Variants in CRHR2 observed in about 807,000 individuals in gnomAD.
CRHR2 encodes the protein corticotropin releasing hormone receptor 2, also known as corticotropin-releasing hormone receptor 2.
In CRHR2, 53 loss-of-function variants were observed where a neutral mutation model predicts 57.9. The ratio of observed to expected loss-of-function variants is 0.92; its 90% CI spans 0.73 to 1.15. The LOEUF (loss-of-function observed/expected upper bound fraction) is 1.15. CRHR2 is among the 50% of genes most tolerant of loss of function. The probability of loss-of-function intolerance (pLI) is 0.00; values close to 1 mark genes in which losing one functional copy is unlikely to be tolerated. For missense variants in CRHR2, 532 were observed against 542.6 expected (o/e 0.98, Z 0.19); for synonymous variants, 213 against 220.9 (o/e 0.96, Z 0.32).
intron 2 of CRHR2, among the ~76,000 whole-genome samples, chr7:30,677,602 A>G (rs957168047): frequency 1.3e-5 from 2 of 152,180 alleles, no homozygotes; most frequent in Non-Finnish European, 2.9e-5. Flanking sequence ...CTAGAGCTAA[A>G]ATGCCAGATC....
intron 11 of CRHR2, 50 bp downstream of exon 11, chr7:30,654,989 G>T: frequency 6.2e-7 from 1 of 1,600,578 alleles, no homozygotes; most frequent in East Asian, 2.3e-5. Context: ...CCTGGAGTGG[G>T]GTCTGAGGAC....
At chr7:30,680,356 G>T (rs1784661155) in intron 2 of CRHR2, among the ~76,000 whole-genome samples, 1 of 152,176 alleles carries the variant, frequency 6.6e-6, no homozygotes, top group Admixed American at 6.5e-5. Context: ...GGGAAGGGGG[G>T]GCCCCCAGGC....
In CRHR2 at chr7:30,662,721, T is replaced by TG; in HGVS notation, c.669dup (p.Lys224GlnfsTer27). Reference sequence around the variant, plus strand: ...CATCCGATGAAGAGGAAGAGGCACTTGCGCAGGCGCTCAGTGGAGTAGGTC... The same window carrying TG: ...CATCCGATGAAGAGGAAGAGGCACTTGGCGCAGGCGCTCAGTGGAGTAGGTC... On this transcript the variant is annotated frameshift_variant, in exon 6 of 12. Coordinates refer to ENST00000471646, the MANE Select transcript of CRHR2 (RefSeq NM_001883.5). LOFTEE classifies it high-confidence loss of function. 6.2e-7 allele frequency: 1 copy of TG among 1,614,144 alleles called. No individual in the cohort carries two copies. The highest frequency in any genetic ancestry group is 8.5e-7 in the Non-Finnish European group (1 of 1,179,988).
rs755602103 is a variant in CRHR2, at chr7:30,653,518, A to G, written c.1178T>C (p.Ile393Thr). The G allele has an allele frequency of 1.9e-6, 3 of 1,613,372 alleles. No homozygotes were observed. Among genetic ancestry groups the G allele is most frequent in the Non-Finnish European group, 2.5e-6 (3 of 1,179,882 alleles). The change falls in exon 12 of 12, where the codon ATC (isoleucine) becomes ACC (threonine). Residue 393 changes from isoleucine (I) to threonine (T), a missense_variant. Physicochemically the swap from Ile to Thr is moderately conservative, Grantham distance 89. Coordinates refer to ENST00000471646, the MANE Select transcript of CRHR2 (RefSeq NM_001883.5). This position sits in a 1 kb window ranked among gnomAD's most constrained non-coding sequence, Gnocchi z 5.0. The part of the protein sequence containing the change: ...LRVPMARAMS[I>T]PTSPTRISFH... ...GCTGATCCGTGTGGGTGATGTAGGG[A>G]TGGACATGGCCCGGGCCATGGGGAC...
At chr7:30,688,132 A>G (rs1312411877) in intron 2 of CRHR2, among the ~76,000 whole-genome samples, 2 of 152,200 alleles carry the variant, frequency 1.3e-5, no homozygotes, top group African/African-American at 4.8e-5. Flanking sequence ...CTTTAATCCA[A>G]TAGGACTGGT....
intron 1 of CRHR2, among the ~76,000 whole-genome samples, chr7:30,697,100 C>T (rs906452927): frequency 2.0e-5 from 3 of 152,186 alleles, no homozygotes; most frequent in Non-Finnish European, 2.9e-5. Flanking sequence ...CTCTGCAGAC[C>T]CTCAGTGTGT....
At chr7:30,689,157 G>T in intron 2 of CRHR2, 1 of 1,533,098 alleles carries the variant, frequency 6.5e-7, no homozygotes, top group South Asian at 1.2e-5. Context: ...ACATCTCCAG[G>T]GGCTGCTGCA....
chr7:30,678,436 G>A (rs1359382773), intron 2 of CRHR2, among the ~76,000 whole-genome samples: 1 of 152,182 alleles, frequency 6.6e-6, no homozygotes, highest in Non-Finnish European at 1.5e-5. Context: ...CACCCAAGGA[G>A]ACTCGTGTGC....
Position 30,665,672 on chromosome 7 carries a change from G to C in CRHR2, c.316-33C>G. ...GACAGACATGGGCAGGGCAGATGGA[G>C]GCATGGGCACGTGGGGGTGGGGCTG... On this transcript the variant is annotated intron_variant, in intron 3 of 11. Transcript: ENST00000471646. The surrounding 1 kb of genome is among the most constrained non-coding windows in gnomAD (Gnocchi z 4.5). The C allele has an allele frequency of 6.5e-7, 1 of 1,534,924 alleles. No individual in the cohort carries two copies. The highest frequency in any genetic ancestry group is 8.8e-7 in the Non-Finnish European group (1 of 1,131,992).
At chr7:30,666,622 T>C (rs991600513) in intron 3 of CRHR2, among the ~76,000 whole-genome samples, 3 of 152,230 alleles carry the variant, frequency 2.0e-5, no homozygotes, top group African/African-American at 7.2e-5. Flanking sequence ...TTGGACTTCA[T>C]CTGGGGCAAA....
Position 30,652,474 on chromosome 7 carries a change from G to T in CRHR2, c.*986C>A, listed in dbSNP as rs1263018257. ...GAGAGAGAACTGGCCCGAGGCCAGG[G>T]CCCGAGCCCACTAAGGAAGATGGAT... On this transcript the variant is annotated 3_prime_UTR_variant, in exon 12 of 12. Transcript: ENST00000471646. This position sits in a 1 kb window ranked among gnomAD's most constrained non-coding sequence, Gnocchi z 4.4. 2.6e-5 allele frequency: 4 copies of T among 152,264 alleles called. No homozygotes were observed. The highest frequency in any genetic ancestry group is 4.4e-5 in the Non-Finnish European group (3 of 68,074). The allele number at this position is 152,264 out of a possible 1,614,324, so 9.4% of individuals were successfully genotyped here. A position where few individuals can be genotyped will look rare whatever the true frequency, so the allele number is the denominator to read the frequency against.
chr7:30,662,953 G>A (rs1240684787), intron 5 of CRHR2, 106 bp from the exon 6 acceptor site: 37 of 1,330,164 alleles, frequency 2.8e-5, no homozygotes, highest in South Asian at 7.6e-5. Context: ...AAGGGGGTTC[G>A]TGGACATGCC....
At chr7:30,687,409 C>T (rs779614362), upstream of CRHR2, among the ~76,000 whole-genome samples, 6 of 148,688 alleles carry the variant, frequency 4.0e-5, no homozygotes, top group East Asian at 4.0e-4. Flanking sequence ...AAGCAGGCGA[C>T]GAAACTATGG....
At chr7:30,662,945 G>C in intron 5 of CRHR2, 98 bp from the exon 6 acceptor site, 2 of 1,408,460 alleles carry the variant, frequency 1.4e-6, no homozygotes, top group South Asian at 2.9e-5. Flanking sequence ...GCTCCCCAAA[G>C]GGGGTTCGTG....
intron 11 of CRHR2, 71 bp downstream of exon 11, chr7:30,654,968 A>T: frequency 6.3e-7 from 1 of 1,584,738 alleles, no homozygotes; most frequent in Non-Finnish European, 8.6e-7. Context: ...GGGCAGCACC[A>T]ATGGAGCTGC....
At chr7:30,684,335 C>T (rs1018269804), upstream of CRHR2, among the ~76,000 whole-genome samples, 1 of 152,230 alleles carries the variant, frequency 6.6e-6, no homozygotes, top group African/African-American at 2.4e-5. Context: ...CTTCACACAG[C>T]ACGGTGCAGC....
intron 2 of CRHR2, among the ~76,000 whole-genome samples, chr7:30,669,072 T>C (rs144809062): frequency 2.0e-3 from 301 of 152,314 alleles, no homozygotes; most frequent in Non-Finnish European, 3.8e-3. Context: ...TTTTGTGAAA[T>C]GAACAGTCCC....
intron 2 of CRHR2, among the ~76,000 whole-genome samples, chr7:30,668,493 A>G (rs1329002908): frequency 1.3e-5 from 2 of 152,138 alleles, no homozygotes; most frequent in African/African-American, 4.8e-5. Flanking sequence ...TAGATGTACA[A>G]TGTAAAGCTA....
In CRHR2 at chr7:30,688,925, A is replaced by T. The variant is rs547642711; in HGVS notation, c.-167+266T>A. 235 of 584,736 alleles carry T rather than the reference A, an allele frequency of 4.0e-4. 1 individual carries two copies. Among genetic ancestry groups the T allele is most frequent in the South Asian group, 2.9e-3 (190 of 65,668 alleles). 36.2% of individuals were successfully genotyped at this position (584,736 alleles called of 1,614,324 possible). A position where few individuals can be genotyped will look rare whatever the true frequency, so the allele number is the denominator to read the frequency against. On this transcript the variant is annotated intron_variant, in intron 2 of 13. Coordinates refer to the CRHR2 transcript ENST00000341843. ...TCCCCTTCTTGGACTCCTGAATGCC[A>T]GCCCAGCTGACTTCCATCGTGGGAG...
Sources: allele counts gnomAD v4.1 joint callset (sites outside exome capture counted in the v4.1 genomes callset), GRCh38; gene constraint gnomAD v4.1.1; non-coding constraint Gnocchi (gnomAD v3.1); transcripts MANE v1.5; gene names NCBI Gene and HGNC (gene_info 2026-07-23, HGNC 2026-07-21).